WWOX: variants seen among roughly 807,000 people sequenced by gnomAD.
The protein encoded by WWOX is WW domain-containing oxidoreductase.
WWOX carries 69 observed loss-of-function variants against 46.2 expected under a neutral mutation model. The ratio of observed to expected loss-of-function variants is 1.49; its 90% CI spans 1.23 to 1.82. WWOX has a LOEUF of 1.82. Among genes scored for constraint, WWOX ranks in the 40% most tolerant of loss-of-function variants. The pLI is 0.00. For missense variants in WWOX, 919 were observed against 542.6 expected (o/e 1.69, Z -6.89); for synonymous variants, 359 against 202.6 (o/e 1.77, Z -6.56).
chr16:78,754,307 C>T (rs1043222857), intron 8 of WWOX, among the ~76,000 whole-genome samples: 1 of 152,074 alleles, frequency 6.6e-6, no homozygotes, highest in Non-Finnish European at 1.5e-5. Context: ...AGGAAGAAGG[C>T]ATTCAGGCTG....
intron 8 of WWOX, among the ~76,000 whole-genome samples, chr16:79,099,771 G>C (rs1481460194): frequency 1.3e-5 from 2 of 152,132 alleles, no homozygotes; most frequent in Admixed American, 1.3e-4. Flanking sequence ...AAGATATTTG[G>C]TTACAGTATG....
intron 8 of WWOX, among the ~76,000 whole-genome samples, chr16:78,580,624 C>T (rs2667527): frequency 3.3e-5 from 5 of 152,274 alleles, no homozygotes; most frequent in East Asian, 1.9e-4. Context: ...TCCAACAACT[C>T]TGGTATTAGT....
intron 8 of WWOX, among the ~76,000 whole-genome samples, chr16:79,207,856 T>C (rs1442189261): frequency 6.6e-6 from 1 of 152,158 alleles, no homozygotes; most frequent in Non-Finnish European, 1.5e-5. Context: ...GGAGTCAATA[T>C]GCATTTGTAT....
Position 78,350,400 on chromosome 16 carries a change from T to C in WWOX, c.517-36460T>C, listed in dbSNP as rs1459699458. 7.4e-5 allele frequency among the ~76,000 whole-genome samples: 9 copies of C among 121,346 alleles called. 4 individuals are homozygous for C. The highest frequency in any genetic ancestry group is 1.8e-4 in the Non-Finnish European group (9 of 50,702). 79.6% of individuals were successfully genotyped at this position (121,346 alleles called of 152,430 possible). The stretch of plus-strand genomic sequence containing the variant: ...CACAGTCAAGTTTAGAATATTTTCA[T>C]TTTCCCAAAAAGAAACCCTTGACTG... On this transcript the variant is annotated intron_variant, in intron 5 of 8. Transcript: ENST00000566780.
intron 8 of WWOX, chr16:79,204,877 AGAG>A (rs1375839590): frequency 6.6e-6 from 1 of 152,188 alleles, no homozygotes; most frequent in Admixed American, 6.5e-5. Flanking sequence ...AATATTTCAC[AGAG>A]GAGTAAGAGC....
At chr16:78,698,500 C>G (rs921075948) in intron 8 of WWOX, among the ~76,000 whole-genome samples, 1 of 152,206 alleles carries the variant, frequency 6.6e-6, no homozygotes, top group South Asian at 2.1e-4. Context: ...ACAAACCTGA[C>G]AAATTTTAGC....
intron 8 of WWOX, among the ~76,000 whole-genome samples, chr16:78,782,128 C>T (rs544466573): frequency 2.0e-5 from 3 of 152,286 alleles, no homozygotes; most frequent in South Asian, 2.1e-4. Context: ...TCACCACCTT[C>T]ACTGGCTTTA....
rs1330872035 is a variant in WWOX at position 78,467,689 on chromosome 16, GTC to G, written c.1056+34939_1056+34940del. ...AGAGATAAAGCTTTGCTTAATTAAT[GTC>G]TGTTTTCCCTCTGTTCAGAAGTATA... On this transcript the variant is annotated intron_variant, in intron 8 of 8. Coordinates refer to ENST00000566780, the MANE Select transcript of WWOX (RefSeq NM_016373.4). Among the ~76,000 whole-genome samples the G allele has an allele frequency of 4.6e-5, 7 of 152,152 alleles. No individual in the cohort carries two copies. The East Asian group carries it at 1.2e-3, about 25-fold the overall frequency.
intron 5 of WWOX, among the ~76,000 whole-genome samples, chr16:78,226,695 A>G (rs535775050): frequency 1.4e-4 from 21 of 151,908 alleles, no homozygotes; most frequent in Admixed American, 1.2e-3. Flanking sequence ...GGCCTCATTT[A>G]TTGTCACACT....
chr16:78,334,872 A>T (rs1005511362), intron 5 of WWOX, among the ~76,000 whole-genome samples: 13 of 146,780 alleles, frequency 8.9e-5, no homozygotes, highest in Non-Finnish European at 1.9e-4. Context: ...ACCAAATCAC[A>T]CCTGAACAAG....
At chr16:78,484,622 G>A (rs2084584340) in intron 8 of WWOX, among the ~76,000 whole-genome samples, 1 of 152,214 alleles carries the variant, frequency 6.6e-6, no homozygotes, top group Non-Finnish European at 1.5e-5. Context: ...GTGGCAAACG[G>A]TAGTATTTGT....
At chr16:78,418,365 C>G (rs2082846915) in intron 6 of WWOX, among the ~76,000 whole-genome samples, 1 of 148,774 alleles carries the variant, frequency 6.7e-6, no homozygotes, top group Non-Finnish European at 1.5e-5. Flanking sequence ...AAGACTCCAT[C>G]TCAGAAAAAA....
chr16:78,646,063 C>T (rs560425013), intron 8 of WWOX, among the ~76,000 whole-genome samples: 8 of 152,174 alleles, frequency 5.3e-5, no homozygotes, highest in African/African-American at 1.9e-4. Flanking sequence ...CATTGGTCTT[C>T]CTTGGGTAAC....
chr16:78,429,121 A>G (rs962491246), intron 7 of WWOX, among the ~76,000 whole-genome samples: 1 of 152,196 alleles, frequency 6.6e-6, no homozygotes, highest in Admixed American at 6.5e-5. Flanking sequence ...AGTAAGCAAC[A>G]CTCAAGAATC....
At chr16:78,471,676 CTTTA>C (rs757467679) in intron 8 of WWOX, among the ~76,000 whole-genome samples, 21 of 152,252 alleles carry the variant, frequency 1.4e-4, no homozygotes, top group Non-Finnish European at 2.8e-4. Flanking sequence ...ATTTGAAAAT[CTTTA>C]TTTGGGCCAC....
chr16:78,772,230 T>C (rs563596503), intron 8 of WWOX, among the ~76,000 whole-genome samples: 1 of 152,318 alleles, frequency 6.6e-6, no homozygotes, highest in Admixed American at 6.5e-5. Context: ...TGTCTGTTGT[T>C]CTTTCTTTGT....
intron 4 of WWOX, among the ~76,000 whole-genome samples, chr16:78,141,813 T>C (rs1340092504): frequency 6.6e-6 from 1 of 152,108 alleles, no homozygotes; most frequent in Non-Finnish European, 1.5e-5. Flanking sequence ...GATTTCAGAA[T>C]TATACGGTGC....
intron 8 of WWOX, among the ~76,000 whole-genome samples, chr16:79,052,571 G>T (rs765478676): frequency 3.9e-4 from 59 of 152,184 alleles, no homozygotes; most frequent in South Asian, 8.3e-4. Context: ...AGAAAATGTG[G>T]CCTTTGCCTC....
At chr16:79,135,741 A>C (rs768863919) in intron 8 of WWOX, among the ~76,000 whole-genome samples, 6 of 152,212 alleles carry the variant, frequency 3.9e-5, no homozygotes, top group Non-Finnish European at 8.8e-5. Flanking sequence ...ATTTTAAAAA[A>C]ATAATATAGC....
Sources: allele counts gnomAD v4.1 joint callset (sites outside exome capture counted in the v4.1 genomes callset), GRCh38; gene constraint gnomAD v4.1.1; transcripts MANE v1.5; gene names NCBI Gene and HGNC (gene_info 2026-07-23, HGNC 2026-07-21).